Variants in CNTNAP5 observed in about 807,000 individuals in gnomAD.
CNTNAP5 encodes the protein contactin-associated protein-like 5.
CNTNAP5 carries 72 observed loss-of-function variants against 150.2 expected under a neutral mutation model. The ratio of observed to expected loss-of-function variants is 0.48; its 90% confidence interval spans 0.40 to 0.58. The LOEUF is 0.58. Among genes scored for constraint, CNTNAP5 ranks in the 20% least tolerant of loss-of-function variants. The probability of loss-of-function intolerance (pLI) is 0.00; values close to 1 mark genes in which losing one functional copy is unlikely to be tolerated. For missense variants in CNTNAP5, 1,636 were observed against 1,626.2 expected, an observed-to-expected ratio of 1.01 and a Z score of -0.10; for synonymous variants, 672 against 619.8, an observed-to-expected ratio of 1.08 and a Z score of -1.25.
rs565742446 is a variant in CNTNAP5 at position 124,873,908 on chromosome 2, A to C, written c.3436+4146A>C. Among the ~76,000 whole-genome samples, 11 of 152,192 alleles carry C rather than the reference A, an allele frequency of 7.2e-5. No individual in the cohort carries two copies. The South Asian group carries it at 1.9e-3, about 26-fold the overall frequency. ...AGCATTTCATTGCAAAGCAAAAGCA[A>C]GTTTGTTCATTTTCTTTTTGTCTGA... On this transcript the variant is annotated intron_variant, in intron 21 of 23. Transcript: ENST00000682447.
intron 1 of CNTNAP5, among the ~76,000 whole-genome samples, chr2:124,202,546 T>C (rs1380991858): frequency 1.3e-5 from 2 of 152,166 alleles, no homozygotes; most frequent in African/African-American, 4.8e-5. Flanking sequence ...ATACGAGCAT[T>C]GTGGTAGTCC....
intron 8 of CNTNAP5, among the ~76,000 whole-genome samples, chr2:124,517,992 T>C (rs746196327): frequency 1.3e-5 from 2 of 151,550 alleles, no homozygotes; most frequent in Non-Finnish European, 2.9e-5. Flanking sequence ...GTGATGGTGA[T>C]GGGGGATTGT....
At chr2:124,363,785 C>T (rs1690286667) in intron 3 of CNTNAP5, among the ~76,000 whole-genome samples, 1 of 152,172 alleles carries the variant, frequency 6.6e-6, no homozygotes, top group South Asian at 2.1e-4. Context: ...TGTGGTGATA[C>T]TTTCTAGATG....
intron 1 of CNTNAP5, among the ~76,000 whole-genome samples, chr2:124,072,640 T>C (rs1016417730): frequency 6.6e-6 from 1 of 151,646 alleles, no homozygotes; most frequent in African/African-American, 2.4e-5. Context: ...CAAATAAAAT[T>C]GAATATCTAG....
At chr2:124,377,891 G>C (rs1415883344) in intron 3 of CNTNAP5, among the ~76,000 whole-genome samples, 1 of 152,032 alleles carries the variant, frequency 6.6e-6, no homozygotes, top group Non-Finnish European at 1.5e-5. Context: ...CATCCACCCT[G>C]TAAATCTTAA....
Position 124,052,327 on chromosome 2 carries a change from A to T in CNTNAP5, c.82+26595A>T, listed in dbSNP as rs556553776. ...ACCTTCATCTGCAAATGATAGTAAA[A>T]ACTCTGACCCAGGGGAGTAGTCATA... On this transcript the variant is annotated intron_variant, in intron 1 of 23. Transcript: ENST00000682447. Among the ~76,000 whole-genome samples the T allele has an allele frequency of 8.5e-5, 13 of 152,332 alleles. No homozygotes were observed. In the South Asian group the frequency reaches 1.2e-3, roughly 15 times the overall value.
chr2:124,772,134 A>G (rs1219490393), intron 16 of CNTNAP5, among the ~76,000 whole-genome samples: 1 of 152,114 alleles, frequency 6.6e-6, no homozygotes, highest in African/African-American at 2.4e-5. Flanking sequence ...CACTGCTGCC[A>G]TCACCATTGT....
At chr2:124,580,574 A>G (rs779542334) in intron 11 of CNTNAP5, among the ~76,000 whole-genome samples, 1 of 152,178 alleles carries the variant, frequency 6.6e-6, no homozygotes, top group Non-Finnish European at 1.5e-5. Flanking sequence ...AAACACTTAA[A>G]TGTAATTTGG....
At chr2:124,191,588 G>T (rs968530717) in intron 1 of CNTNAP5, among the ~76,000 whole-genome samples, 4 of 152,106 alleles carry the variant, frequency 2.6e-5, no homozygotes, top group Non-Finnish European at 5.9e-5. Flanking sequence ...GCAATCATTC[G>T]ATATTAGGAG....
chr2:124,210,517 A>G (rs1025560600), intron 1 of CNTNAP5, among the ~76,000 whole-genome samples: 6 of 151,946 alleles, frequency 3.9e-5, no homozygotes, highest in African/African-American at 1.2e-4. Context: ...GTCCATTCCA[A>G]TTGTCATTGT....
At chr2:124,859,463 A>G (rs539172900) in intron 19 of CNTNAP5, among the ~76,000 whole-genome samples, 17,851 of 152,280 alleles carry the variant, frequency 0.12, 1,244 homozygotes, top group Non-Finnish European at 0.16. Flanking sequence ...TGTTGGTGGG[A>G]CTATAAACTA....
At chr2:124,576,087 G>A (rs973216819) in intron 11 of CNTNAP5, among the ~76,000 whole-genome samples, 1 of 152,148 alleles carries the variant, frequency 6.6e-6, no homozygotes, top group Non-Finnish European at 1.5e-5. Context: ...TGGCATAGCT[G>A]TAGTTCCAGA....
intron 1 of CNTNAP5, among the ~76,000 whole-genome samples, chr2:124,070,672 C>A (rs1682283319): frequency 6.6e-6 from 1 of 151,658 alleles, no homozygotes; most frequent in East Asian, 1.9e-4. Context: ...ATTCACCCAC[C>A]CAACACTAGA....
At chr2:124,448,516 T>A (rs953357221) in intron 6 of CNTNAP5, among the ~76,000 whole-genome samples, 2 of 152,120 alleles carry the variant, frequency 1.3e-5, no homozygotes, top group African/African-American at 4.8e-5. Flanking sequence ...GTTGACAGCT[T>A]GAAGTCTACC....
At chr2:124,131,646 GT>G (rs1190493651) in intron 1 of CNTNAP5, among the ~76,000 whole-genome samples, 1 of 152,112 alleles carries the variant, frequency 6.6e-6, no homozygotes, top group Non-Finnish European at 1.5e-5. Context: ...ACCCAAATGT[GT>G]TTGCGTAGTG....
chr2:124,295,905 T>G (rs1191179042), intron 3 of CNTNAP5, among the ~76,000 whole-genome samples: 1 of 152,188 alleles, frequency 6.6e-6, no homozygotes, highest in East Asian at 1.9e-4. Flanking sequence ...GGTAATCATC[T>G]GCAAGAAATA....
At position 124,688,839 on chromosome 2, in the gene CNTNAP5, G is replaced by T. The variant is rs186605651; in HGVS notation, c.2077+40881G>T. 4.7e-3 allele frequency among the ~76,000 whole-genome samples: 720 copies of T among 152,102 alleles called. 22 individuals are homozygous for T. The highest frequency in any genetic ancestry group is 0.041 in the Admixed American group (626 of 15,244). On this transcript the variant is annotated intron_variant, in intron 13 of 23. Transcript: ENST00000682447. Reference sequence around the variant, plus strand: ...ACTATGGGTGCCTCATGCGGACAAGGTCAATTATCTTATACCTATTAAAAT... The same window carrying T: ...ACTATGGGTGCCTCATGCGGACAAGTTCAATTATCTTATACCTATTAAAAT...
intron 1 of CNTNAP5, among the ~76,000 whole-genome samples, chr2:124,189,077 C>G (rs1685402623): frequency 6.6e-6 from 1 of 152,102 alleles, no homozygotes; most frequent in African/African-American, 2.4e-5. Context: ...ATATTCTAAT[C>G]ATGAGTGGCC....
At chr2:124,365,639 GA>G (rs1331300553) in intron 3 of CNTNAP5, among the ~76,000 whole-genome samples, 1 of 152,164 alleles carries the variant, frequency 6.6e-6, no homozygotes. Context: ...ACCTGAATTT[GA>G]GATCCAGCTT....
Sources: allele counts gnomAD v4.1 joint callset (sites outside exome capture counted in the v4.1 genomes callset), GRCh38; gene constraint gnomAD v4.1.1; transcripts MANE v1.5; gene names NCBI Gene and HGNC (gene_info 2026-07-23, HGNC 2026-07-21).